CAMTA1: variants seen among roughly 807,000 people sequenced by gnomAD.
The protein encoded by CAMTA1 is calmodulin binding transcription activator 1, also known as calmodulin-binding transcription activator 1.
CAMTA1 carries 27 observed loss-of-function variants against 170.9 expected under a neutral mutation model. The ratio of observed to expected loss-of-function variants is 0.16; its 90% CI spans 0.12 to 0.22. CAMTA1 has a LOEUF of 0.22. Among genes scored for constraint, CAMTA1 ranks in the 10% least tolerant of loss-of-function variants. The pLI, the probability that CAMTA1 is intolerant of heterozygous loss-of-function variation, is 1.00. For synonymous variants in CAMTA1, 833 were observed against 891.5 expected, an observed-to-expected ratio of 0.93 and a Z score of 1.17; for missense variants, 1,619 against 2,217.2, an observed-to-expected ratio of 0.73 and a Z score of 5.42.
chr1:7,289,107 A>C (rs1185114590), intron 5 of CAMTA1, among the ~76,000 whole-genome samples: 1 of 152,086 alleles, frequency 6.6e-6, no homozygotes, highest in Non-Finnish European at 1.5e-5. Context: ...ACGTTTAAAC[A>C]ATCAGATCTC....
intron 5 of CAMTA1, among the ~76,000 whole-genome samples, chr1:7,362,416 T>A (rs1264239676): frequency 3.3e-5 from 5 of 151,958 alleles, no homozygotes; most frequent in African/African-American, 1.2e-4. Flanking sequence ...TGGGTAGAGT[T>A]AGTGGACTTG....
intron 5 of CAMTA1, among the ~76,000 whole-genome samples, chr1:7,446,142 T>G (rs1001408225): frequency 6.6e-6 from 1 of 151,242 alleles, no homozygotes; most frequent in Non-Finnish European, 1.5e-5. Flanking sequence ...AGAAAAGAAT[T>G]TCTCTCTGGA....
At chr1:7,703,876 G>C (rs1405746030) in intron 11 of CAMTA1, among the ~76,000 whole-genome samples, 1 of 152,112 alleles carries the variant, frequency 6.6e-6, no homozygotes, top group Non-Finnish European at 1.5e-5. Flanking sequence ...CGGGGCGAGA[G>C]ACCCTCACGC....
In CAMTA1 at chr1:7,585,803, C is replaced by T. The variant is rs1465907396; in HGVS notation, c.511-54597C>T. On this transcript the variant is annotated intron_variant, in intron 6 of 22. Coordinates refer to ENST00000303635, the MANE Select transcript of CAMTA1 (RefSeq NM_015215.4). The surrounding 1 kb of genome is among the most constrained non-coding windows in gnomAD (Gnocchi z 4.8). Reference sequence around the variant, plus strand: ...ACACGGCTCATCTGTCCCTCATCCACCTCCAGCTTCCTGCTGCGGGGCCTT... The same window carrying T: ...ACACGGCTCATCTGTCCCTCATCCATCTCCAGCTTCCTGCTGCGGGGCCTT... 6.6e-6 allele frequency among the ~76,000 whole-genome samples: 1 copy of T among 151,350 alleles called. No homozygotes were observed. Among genetic ancestry groups the T allele is most frequent in the Non-Finnish European group, 1.5e-5 (1 of 68,006 alleles).
intron 22 of CAMTA1, among the ~76,000 whole-genome samples, chr1:7,765,313 C>T (rs2097012416): frequency 6.6e-6 from 1 of 152,198 alleles, no homozygotes; most frequent in African/African-American, 2.4e-5. Context: ...ACAGCAGCTT[C>T]CCCAGCACCC....
intron 5 of CAMTA1, among the ~76,000 whole-genome samples, chr1:7,261,308 A>T (rs1305630556): frequency 6.6e-6 from 1 of 151,952 alleles, no homozygotes; most frequent in Non-Finnish European, 1.5e-5. Context: ...TTGTGTTTCT[A>T]TTGATAACTT....
intron 3 of CAMTA1, among the ~76,000 whole-genome samples, chr1:7,017,554 A>G (rs563530817): frequency 6.6e-6 from 1 of 152,260 alleles, no homozygotes; most frequent in Non-Finnish European, 1.5e-5. Flanking sequence ...TGTTTGTAGG[A>G]AATGGAAACA....
intron 6 of CAMTA1, among the ~76,000 whole-genome samples, chr1:7,577,603 C>T (rs1165504037): frequency 1.3e-5 from 2 of 151,864 alleles, no homozygotes; most frequent in South Asian, 2.1e-4. Flanking sequence ...TAACTGCAAA[C>T]GCTCCCGGTG....
intron 3 of CAMTA1, among the ~76,000 whole-genome samples, chr1:6,883,543 C>T (rs1191830329): frequency 6.6e-6 from 1 of 151,956 alleles, no homozygotes; most frequent in Non-Finnish European, 1.5e-5. Context: ...GAGCATTGCG[C>T]AGAAGAATCG....
chr1:7,297,337 G>T (rs1674105417), intron 5 of CAMTA1, among the ~76,000 whole-genome samples: 1 of 152,166 alleles, frequency 6.6e-6, no homozygotes, highest in Non-Finnish European at 1.5e-5. Context: ...ATTAGAGTTG[G>T]TCCATTTTTA....
At chr1:7,601,719 C>A (rs1425393444) in intron 6 of CAMTA1, among the ~76,000 whole-genome samples, 112 of 151,278 alleles carry the variant, frequency 7.4e-4, no homozygotes, top group Admixed American at 1.5e-3. Context: ...CTGGCGGATC[C>A]CTCGCGGTTA....
chr1:7,207,356 G>C (rs1438398932), intron 4 of CAMTA1, among the ~76,000 whole-genome samples: 2 of 152,178 alleles, frequency 1.3e-5, no homozygotes, highest in African/African-American at 4.8e-5. Context: ...GACACTGACA[G>C]GGAGGTCTGT....
At chr1:7,506,006 G>A (rs11120954) in intron 6 of CAMTA1, among the ~76,000 whole-genome samples, 106,905 of 152,078 alleles carry the variant, frequency 0.7, 37,951 homozygotes, top group Middle Eastern at 0.85. Context: ...GAAGCCAGTG[G>A]AAGGGGAGGC....
chr1:7,607,687 G>A (rs937218353), intron 6 of CAMTA1, among the ~76,000 whole-genome samples: 2 of 152,168 alleles, frequency 1.3e-5, no homozygotes, highest in African/African-American at 4.8e-5. Context: ...GAGTAGGTGG[G>A]TTGACAGATG....
intron 4 of CAMTA1, among the ~76,000 whole-genome samples, chr1:7,184,948 A>G (rs1170165538): frequency 1.3e-5 from 2 of 152,310 alleles, no homozygotes; most frequent in South Asian, 2.1e-4. Context: ...AGAAAAATAT[A>G]TGGCTACTGT....
chr1:7,123,240 T>C (rs972858909), intron 4 of CAMTA1, among the ~76,000 whole-genome samples: 1 of 152,152 alleles, frequency 6.6e-6, no homozygotes, highest in South Asian at 2.1e-4. Context: ...ACCTAGCTTC[T>C]GGTACCCTCA....
intron 3 of CAMTA1, among the ~76,000 whole-genome samples, chr1:6,845,410 TG>T (rs1341785627): frequency 6.6e-6 from 1 of 152,230 alleles, no homozygotes; most frequent in African/African-American, 2.4e-5. Context: ...TTTTAAATCT[TG>T]TCCAGATTCA....
chr1:7,479,715 A>G (rs1160348770), intron 6 of CAMTA1, among the ~76,000 whole-genome samples: 1 of 152,188 alleles, frequency 6.6e-6, no homozygotes, highest in Non-Finnish European at 1.5e-5. Flanking sequence ...GCCACCTCCC[A>G]GCATGCAGAG....
intron 3 of CAMTA1, among the ~76,000 whole-genome samples, chr1:7,084,821 AAC>A (rs1640515771): frequency 6.6e-6 from 1 of 152,200 alleles, no homozygotes; most frequent in South Asian, 2.1e-4. Context: ...GTCCGTGGGA[AAC>A]ACACAGGGAC....
Sources: gnomAD v4.1 joint callset for allele counts (sites outside exome capture counted in the v4.1 genomes callset) on GRCh38, gnomAD v4.1.1 for gene constraint, Gnocchi (gnomAD v3.1) non-coding constraint, MANE v1.5 for transcripts, NCBI Gene and HGNC (gene_info 2026-07-23, HGNC 2026-07-21) for gene names.